BBS9: variants seen among roughly 807,000 people sequenced by gnomAD.
BBS9 encodes the protein protein PTHB1.
BBS9 carries 89 observed loss-of-function variants against 117.7 expected under a neutral mutation model. That is an observed-to-expected ratio of 0.76 (90% CI 0.64 to 0.90). BBS9 has a LOEUF of 0.90. BBS9 is among the 40% of genes least tolerant of loss of function. BBS9 has a pLI of 0.00. For synonymous variants in BBS9, 379 were observed against 370.9 expected, an observed-to-expected ratio of 1.02 and a Z score of -0.25; for missense variants, 982 against 1,042.2, an observed-to-expected ratio of 0.94 and a Z score of 0.80.
chr7:33,621,577 T>C (rs965406268), intron 21 of BBS9, among the ~76,000 whole-genome samples: 11 of 152,154 alleles, frequency 7.2e-5, no homozygotes, highest in Admixed American at 2.6e-4. Context: ...TGCACATTGT[T>C]GGAAATGTAA....
intron 9 of BBS9, among the ~76,000 whole-genome samples, chr7:33,336,043 G>T (rs1212918977): frequency 6.6e-6 from 1 of 152,136 alleles, no homozygotes; most frequent in Non-Finnish European, 1.5e-5. Context: ...CAGCCAGCCA[G>T]CAGCCCCGCT....
rs200862154 is a variant in BBS9, at chr7:33,405,320, C to G, written c.2115+17176C>G. 3.8e-4 allele frequency among the ~76,000 whole-genome samples: 58 copies of G among 152,090 alleles called. No individual in the cohort carries two copies. In the East Asian group the frequency reaches 0.01, roughly 26 times the overall value. Reference sequence around the variant, plus strand: ...CTAAAATTCTCTTTTTTGGTTGTGTCTCTGCCCGGCTTTGGTATCAGGATG... The same window carrying G: ...CTAAAATTCTCTTTTTTGGTTGTGTGTCTGCCCGGCTTTGGTATCAGGATG... On this transcript the variant is annotated intron_variant, in intron 19 of 22. Coordinates refer to ENST00000242067, the MANE Select transcript of BBS9 (RefSeq NM_198428.3).
At chr7:33,369,897 A>G (rs1822532675) in intron 17 of BBS9, among the ~76,000 whole-genome samples, 2 of 152,220 alleles carry the variant, frequency 1.3e-5, no homozygotes, top group South Asian at 2.1e-4. Flanking sequence ...TATTTCTTCC[A>G]TAGTAAACAG....
At chr7:33,375,278 T>C (rs1823638780) in intron 17 of BBS9, among the ~76,000 whole-genome samples, 1 of 152,178 alleles carries the variant, frequency 6.6e-6, no homozygotes, top group Non-Finnish European at 1.5e-5. Flanking sequence ...GATAAACAAA[T>C]TGAGTGTTCA....
At chr7:33,219,054 G>C (rs1408011729) in intron 5 of BBS9, among the ~76,000 whole-genome samples, 1 of 152,220 alleles carries the variant, frequency 6.6e-6, no homozygotes, top group African/African-American at 2.4e-5. Context: ...GGGCTTGGCG[G>C]GCCCCGCACT....
At chr7:33,419,789 A>C (rs927541746) in intron 19 of BBS9, among the ~76,000 whole-genome samples, 3 of 152,170 alleles carry the variant, frequency 2.0e-5, no homozygotes, top group African/African-American at 7.2e-5. Context: ...TGATAATTGC[A>C]AACTTAATTC....
chr7:33,307,749 G>A (rs548649014), intron 9 of BBS9, among the ~76,000 whole-genome samples: 82 of 149,950 alleles, frequency 5.5e-4, no homozygotes, highest in African/African-American at 1.8e-3. Context: ...AAGTCTTTGC[G>A]TGTTCAGTGC....
chr7:33,144,474 G>C (rs1442175082), intron 1 of BBS9, among the ~76,000 whole-genome samples: 1 of 152,216 alleles, frequency 6.6e-6, no homozygotes, highest in Non-Finnish European at 1.5e-5. Context: ...AGTAAAAATT[G>C]AGTCACCTGA....
At chr7:33,231,593 G>A (rs1159719725) in intron 5 of BBS9, among the ~76,000 whole-genome samples, 3 of 151,074 alleles carry the variant, frequency 2.0e-5, no homozygotes, top group Non-Finnish European at 3.0e-5. Flanking sequence ...ATAAACTTTG[G>A]GATTTTTTTC....
At chr7:33,411,218 G>T (rs1462413593) in intron 19 of BBS9, among the ~76,000 whole-genome samples, 3 of 151,976 alleles carry the variant, frequency 2.0e-5, no homozygotes, top group Non-Finnish European at 2.9e-5. Context: ...AAAGTAATTG[G>T]ATTTAGCTTC....
chr7:33,525,596 G>T (rs1205247515), intron 20 of BBS9, among the ~76,000 whole-genome samples: 2 of 131,656 alleles, frequency 1.5e-5, no homozygotes, highest in Non-Finnish European at 3.1e-5. Flanking sequence ...TTTTCCATTT[G>T]CTTAGTAGAT....
chr7:33,303,439 A>G (rs1029127778), intron 9 of BBS9, among the ~76,000 whole-genome samples: 42 of 150,118 alleles, frequency 2.8e-4, no homozygotes, highest in African/African-American at 1.0e-3. Flanking sequence ...TTCTTTCTGT[A>G]CCCAGTTTTT....
chr7:33,534,198 C>CG, intron 21 of BBS9, 22 bp downstream of exon 21: 1 of 1,603,122 alleles, frequency 6.2e-7, no homozygotes, highest in Non-Finnish European at 8.5e-7. Context: ...GTCCATGCTC[C>CG]CTAATCACAA....
chr7:33,527,240 A>G lies in BBS9; in HGVS notation c.2299-6714A>G, dbSNP rs370529632. 3.1e-3 allele frequency among the ~76,000 whole-genome samples: 465 copies of G among 152,316 alleles called. 2 individuals are homozygous for G. The highest frequency in any genetic ancestry group is 6.2e-3 in the East Asian group (32 of 5,168). Reference sequence around the variant, plus strand: ...TGCCCCCAGAGGTGGAGCCTACAGAAGCAGGCAGGCCTCCTTGAGTTGTGT... The same window carrying G: ...TGCCCCCAGAGGTGGAGCCTACAGAGGCAGGCAGGCCTCCTTGAGTTGTGT... On this transcript the variant is annotated intron_variant, in intron 20 of 22. Coordinates refer to ENST00000242067, the MANE Select transcript of BBS9 (RefSeq NM_198428.3).
rs10235106 is a variant in BBS9 at position 33,227,608 on chromosome 7, C to A, written c.443-29628C>A. Among the ~76,000 whole-genome samples, 1,289 of 152,120 alleles carry A rather than the reference C, an allele frequency of 8.5e-3. 13 individuals carry two copies. The highest frequency in any genetic ancestry group is 0.015 in the Non-Finnish European group (1,017 of 67,978). Reference sequence around the variant, plus strand: ...AATATGTGGTCTTTCATCCTTCACCCCATTCCCAACCTTCCCCCTACCCCC... The same window carrying A: ...AATATGTGGTCTTTCATCCTTCACCACATTCCCAACCTTCCCCCTACCCCC... On this transcript the variant is annotated intron_variant, in intron 5 of 22. Transcript: ENST00000242067.
chr7:33,395,119 A>G (rs1195345767), intron 19 of BBS9, among the ~76,000 whole-genome samples: 1 of 152,198 alleles, frequency 6.6e-6, no homozygotes, highest in Non-Finnish European at 1.5e-5. Context: ...ACGTATATGT[A>G]TATTCATGAT....
intron 21 of BBS9, among the ~76,000 whole-genome samples, chr7:33,578,269 C>T (rs1355792639): frequency 2.0e-5 from 3 of 152,074 alleles, no homozygotes; most frequent in Non-Finnish European, 4.4e-5. Context: ...AGCAATTTGC[C>T]CCAGGTTGCA....
intron 19 of BBS9, among the ~76,000 whole-genome samples, chr7:33,414,823 G>T (rs1831712636): frequency 1.4e-5 from 2 of 145,066 alleles, no homozygotes; most frequent in Non-Finnish European, 3.0e-5. Flanking sequence ...GTTGGGCCAG[G>T]TTCTGTGTAT....
chr7:33,489,054 A>G (rs1020958391), intron 19 of BBS9, among the ~76,000 whole-genome samples: 66 of 136,544 alleles, frequency 4.8e-4, no homozygotes, highest in Non-Finnish European at 7.4e-4. Context: ...GTGCAATGGC[A>G]TGATCTTGGC....
Sources: gnomAD v4.1 joint callset for allele counts (sites outside exome capture counted in the v4.1 genomes callset) on GRCh38, gnomAD v4.1.1 for gene constraint, MANE v1.5 for transcripts, NCBI Gene and HGNC (gene_info 2026-07-23, HGNC 2026-07-21) for gene names.